TDP1: variants seen among roughly 807,000 people sequenced by gnomAD.
The protein encoded by TDP1 is tyr-DNA phosphodiesterase 1.
TDP1 carries 64 observed loss-of-function variants against 81.5 expected under a neutral mutation model. That is an observed-to-expected ratio of 0.79 (90% confidence interval 0.64 to 0.97). The LOEUF is 0.97. Ranked by LOEUF, TDP1 falls within the 50% of genes least tolerant of loss-of-function variation. TDP1 has a pLI of 0.00. For missense variants in TDP1, 723 were observed against 743.8 expected (o/e 0.97, Z 0.33); for synonymous variants, 256 against 264.3 (o/e 0.97, Z 0.30).
At chr14:89,983,978 C>A in intron 8 of TDP1, 1 of 253,228 alleles carries the variant, frequency 3.9e-6, no homozygotes, top group Non-Finnish European at 6.2e-6. Flanking sequence ...TGCTATAGGA[C>A]CTACGTTATG....
At chr14:90,011,128 T>C (rs1307606346) in intron 14 of TDP1, among the ~76,000 whole-genome samples, 2 of 152,198 alleles carry the variant, frequency 1.3e-5, no homozygotes, top group Admixed American at 1.3e-4. Context: ...CCTGCCACCA[T>C]GTAAGGCATG....
intron 8 of TDP1, 154 bp from the exon 9 acceptor site, chr14:89,984,362 T>TGTTCTC: frequency 1.0e-6 from 1 of 985,404 alleles, no homozygotes; most frequent in Non-Finnish European, 1.2e-6. Flanking sequence ...ATTGGAGTGG[T>TGTTCTC]GTTCTCAGAT....
At chr14:89,983,949 A>C (rs548988580) in intron 8 of TDP1, among the ~76,000 whole-genome samples, 15 of 152,370 alleles carry the variant, frequency 9.8e-5, no homozygotes, top group African/African-American at 3.4e-4. Flanking sequence ...ACCAGAAAGT[A>C]TAAGACATAA....
chr14:89,987,696 G>A (rs557612781), intron 10 of TDP1, among the ~76,000 whole-genome samples: 4 of 152,176 alleles, frequency 2.6e-5, no homozygotes, highest in South Asian at 2.1e-4. Flanking sequence ...GCTGTCCCTC[G>A]AGGCAGTCCC....
intron 5 of TDP1, chr14:89,970,741 A>C: frequency 1.1e-6 from 1 of 880,480 alleles, no homozygotes; most frequent in Non-Finnish European, 1.4e-6. Flanking sequence ...TCTTCATTCA[A>C]CTACAAAGGC....
At chr14:89,985,719 G>T (rs1434606263) in intron 10 of TDP1, among the ~76,000 whole-genome samples, 1 of 152,120 alleles carries the variant, frequency 6.6e-6, no homozygotes, top group African/African-American at 2.4e-5. Context: ...CTCTTTTTAG[G>T]TGGTTTACTG....
intron 12 of TDP1, 84 bp from the exon 13 acceptor site, chr14:89,991,833 G>A (rs900889497): frequency 2.3e-5 from 31 of 1,366,196 alleles, no homozygotes; most frequent in African/African-American, 5.9e-5. Flanking sequence ...TTACCTTCTT[G>A]CTGTTTATTG....
At chr14:90,006,335 C>A (rs146286201) in intron 14 of TDP1, among the ~76,000 whole-genome samples, 51 of 152,298 alleles carry the variant, frequency 3.3e-4, no homozygotes, top group African/African-American at 1.2e-3. Context: ...GGAAACACAG[C>A]TGATGTGTTG....
At chr14:89,985,920 G>A (rs963839976) in intron 10 of TDP1, among the ~76,000 whole-genome samples, 5 of 152,226 alleles carry the variant, frequency 3.3e-5, no homozygotes, top group East Asian at 1.9e-4. Flanking sequence ...CCAGCTACTC[G>A]GGAGGCTGAG....
chr14:89,983,155 C>T (rs560297361), intron 8 of TDP1: 105 of 456,022 alleles, frequency 2.3e-4, no homozygotes, highest in African/African-American at 2.0e-3. Flanking sequence ...AGGAGCCTCA[C>T]TCAGCCTGGG....
In TDP1 at chr14:89,984,562, A is replaced by G. The variant is rs753807686; in HGVS notation, c.931A>G (p.Lys311Glu). ...CCCACGAATTGCTGATGGAACCCAC[A>G]AATCTGGAGAGTCGCCAACACATTT... ...LYPRIADGTH[K>E]SGESPTHFKA... Residue 311 changes from lysine to glutamate, a missense_variant, in exon 9 of 17, where the codon AAA (lysine) becomes GAA (glutamate). Lys to Glu is a moderately conservative substitution (Grantham distance 56). Coordinates refer to ENST00000335725, the MANE Select transcript of TDP1 (RefSeq NM_018319.4). 2.9e-5 allele frequency: 47 copies of G among 1,614,034 alleles called. No individual in the cohort carries two copies. In the Admixed American group the frequency reaches 7.5e-4, roughly 26 times the overall value.
At chr14:89,991,464 C>T (rs1053427558) in intron 12 of TDP1, 8 of 728,604 alleles carry the variant, frequency 1.1e-5, no homozygotes, top group African/African-American at 7.7e-5. Flanking sequence ...CTTTTATTCT[C>T]GACACAGAAG....
chr14:90,017,490 G>T (rs1885455198), intron 14 of TDP1, among the ~76,000 whole-genome samples: 1 of 152,198 alleles, frequency 6.6e-6, no homozygotes, highest in African/African-American at 2.4e-5. Flanking sequence ...ATTGGAGGAA[G>T]CCATCTGAAA....
In TDP1 at chr14:89,975,468, T is replaced by C. The variant is rs895325615; in HGVS notation, c.757-313T>C. On this transcript the variant is annotated intron_variant, in intron 6 of 16. Transcript: ENST00000335725. ...AAAACTTTGCATAGAGACTCACTTG[T>C]TTTACTAGTTTTTTGTCAACTAAAG... The C allele has an allele frequency of 3.0e-6, 3 of 984,576 alleles. No individual in the cohort carries two copies. In the African/African-American group the frequency reaches 5.2e-5, roughly 17 times the overall value. The allele number at this position is 984,576 out of a possible 1,614,324, so 61.0% of individuals were successfully genotyped here.
At chr14:90,019,053 A>T (rs1380098206) in intron 14 of TDP1, 10 of 984,522 alleles carry the variant, frequency 1.0e-5, no homozygotes, top group Non-Finnish European at 1.2e-5. Flanking sequence ...AAATCTAAGG[A>T]AAGATAATTA....
Position 89,963,172 on chromosome 14 carries a change from G to C in TDP1, c.58G>C (p.Glu20Gln), listed in dbSNP as rs759728655. ...WTISSSDESE[E>Q]EKPKPDKPST... ...CATATCTAGTAGTGATGAAAGTGAG[G>C]AAGAAAAGCCAAAACCAGACAAGCC... The change falls in exon 3 of 17, where the codon GAA (glutamate) becomes CAA (glutamine). Residue 20 changes from glutamate (E) to glutamine (Q), a missense_variant. Glu to Gln is a conservative substitution (Grantham distance 29). Transcript: ENST00000335725. 2 of 1,614,010 alleles carry C rather than the reference G, an allele frequency of 1.2e-6. No homozygotes were observed.
chr14:90,011,209 A>T lies in TDP1; in HGVS notation c.1542-8107A>T, dbSNP rs536581375. On this transcript the variant is annotated intron_variant, in intron 14 of 16. Coordinates refer to ENST00000335725, the MANE Select transcript of TDP1 (RefSeq NM_018319.4). ...AGCCATGTGGAACTGTGAGTCCATT[A>T]AACCTCCTTTCCTTTATAAATTACC... Among the ~76,000 whole-genome samples the T allele has an allele frequency of 3.3e-5, 5 of 152,336 alleles. No individual in the cohort carries two copies. The South Asian group carries it at 1.0e-3, about 32-fold the overall frequency.
chr14:89,960,291 G>A (rs548801053), intron 2 of TDP1, among the ~76,000 whole-genome samples: 1 of 151,496 alleles, frequency 6.6e-6, no homozygotes, highest in Non-Finnish European at 1.5e-5. Context: ...TTTTCAAACC[G>A]GAAGGATTAA....
At chr14:90,037,494 T>G (rs1887937344) in intron 16 of TDP1, among the ~76,000 whole-genome samples, 2 of 152,328 alleles carry the variant, frequency 1.3e-5, no homozygotes, top group South Asian at 4.1e-4. Flanking sequence ...CACATATGAG[T>G]ACTTATATAG....
Sources: allele counts gnomAD v4.1 joint callset (sites outside exome capture counted in the v4.1 genomes callset), GRCh38; gene constraint gnomAD v4.1.1; transcripts MANE v1.5; gene names NCBI Gene and HGNC (gene_info 2026-07-23, HGNC 2026-07-21).